PRDM16: variants seen among roughly 807,000 people sequenced by gnomAD.
PRDM16 encodes the protein histone-lysine N-methyltransferase PRDM16.
PRDM16 carries 23 observed loss-of-function variants against 110.6 expected under a neutral mutation model. That is an observed-to-expected ratio of 0.21 (90% CI 0.15 to 0.29). PRDM16 has a LOEUF of 0.29. Among genes scored for constraint, PRDM16 ranks in the 10% least tolerant of loss-of-function variants. The probability of loss-of-function intolerance (pLI) is 1.00; values close to 1 mark genes in which losing one functional copy is unlikely to be tolerated. For missense variants in PRDM16, 1,615 were observed against 1,794.3 expected, an observed-to-expected ratio of 0.90 and a Z score of 1.81; for synonymous variants, 799 against 781.8, an observed-to-expected ratio of 1.02 and a Z score of -0.37.
chr1:3,310,937 CGTGT>C (rs200491474), intron 3 of PRDM16, among the ~76,000 whole-genome samples: 3 of 151,476 alleles, frequency 2.0e-5, no homozygotes, highest in Admixed American at 6.6e-5. Context: ...TGTGAGTGTG[CGTGT>C]GTGTCTGTGA....
intron 3 of PRDM16, among the ~76,000 whole-genome samples, chr1:3,249,428 G>A (rs1452227355): frequency 3.3e-5 from 5 of 152,010 alleles, no homozygotes; most frequent in Non-Finnish European, 2.9e-5. Flanking sequence ...GTGCCAGCGA[G>A]GTGAGTGAGG....
At chr1:3,225,530 CTGTGTGTGTG>C (rs57169358) in intron 2 of PRDM16, among the ~76,000 whole-genome samples, 17,100 of 139,080 alleles carry the variant, frequency 0.12, 1,164 homozygotes, top group East Asian at 0.19. Flanking sequence ...TGCAGCTTGC[CTGTGTGTGTG>C]TGTGTGTGTG....
chr1:3,360,345 C>T (rs972544276), intron 3 of PRDM16, among the ~76,000 whole-genome samples: 2 of 152,204 alleles, frequency 1.3e-5, no homozygotes, highest in Non-Finnish European at 2.9e-5. Context: ...GGAGCACCCT[C>T]ATGCTCTGTG....
Position 3,114,185 on chromosome 1 carries a change from GCACACA to G in PRDM16, c.37+44891_37+44896del, listed in dbSNP as rs58141966. On this transcript the variant is annotated intron_variant, in intron 1 of 16. Coordinates refer to ENST00000270722, the MANE Select transcript of PRDM16 (RefSeq NM_022114.4). ...CACACGCACACACACGCACACACAC[GCACACA>G]CGCACACGCACGCACACACGCACAC... Among the ~76,000 whole-genome samples, 23 of 80,402 alleles carry G rather than the reference GCACACA, an allele frequency of 2.9e-4. No individual in the cohort carries two copies. In the South Asian group the frequency reaches 7.2e-3, roughly 25 times the overall value. The allele number at this position is 80,402 out of a possible 152,430, so 52.7% of individuals were successfully genotyped here.
intron 3 of PRDM16, among the ~76,000 whole-genome samples, chr1:3,301,691 G>A (rs1422038065): frequency 6.6e-6 from 1 of 152,190 alleles, no homozygotes; most frequent in East Asian, 1.9e-4. Context: ...ACTGGATTTT[G>A]CTCTGTGTCT....
chr1:3,191,249 T>G (rs977920808), intron 2 of PRDM16, among the ~76,000 whole-genome samples: 16 of 152,228 alleles, frequency 1.1e-4, no homozygotes, highest in African/African-American at 3.9e-4. Context: ...ACCTCACCCC[T>G]GGCGTTATTT....
chr1:3,088,286 T>G (rs1642195050), intron 1 of PRDM16, among the ~76,000 whole-genome samples: 1 of 151,544 alleles, frequency 6.6e-6, no homozygotes, highest in Non-Finnish European at 1.5e-5. Flanking sequence ...TAGAAAGCAA[T>G]AAAAATAATA....
intron 3 of PRDM16, among the ~76,000 whole-genome samples, chr1:3,317,438 G>A (rs1385498678): frequency 6.6e-6 from 1 of 152,250 alleles, no homozygotes; most frequent in Non-Finnish European, 1.5e-5. Flanking sequence ...CACTAAGCAG[G>A]AGTGCGGGCG....
chr1:3,113,623 G>T (rs888402662), intron 1 of PRDM16, among the ~76,000 whole-genome samples: 1 of 152,212 alleles, frequency 6.6e-6, no homozygotes, highest in Non-Finnish European at 1.5e-5. Context: ...TTGTCTTGCT[G>T]GTCGTCCTGG....
At chr1:3,228,508 A>C (rs1639341474) in intron 2 of PRDM16, among the ~76,000 whole-genome samples, 1 of 152,218 alleles carries the variant, frequency 6.6e-6, no homozygotes, top group South Asian at 2.1e-4. Context: ...GCTCTGGGCC[A>C]GCCCCAGGGA....
chr1:3,344,397 A>G (rs534620049), intron 3 of PRDM16, among the ~76,000 whole-genome samples: 142 of 152,098 alleles, frequency 9.3e-4, no homozygotes, highest in Middle Eastern at 3.4e-3. Flanking sequence ...GTTTTTAATT[A>G]TAATTGGCAT....
chr1:3,381,918 C>G (rs943804888), intron 3 of PRDM16, among the ~76,000 whole-genome samples: 1 of 152,240 alleles, frequency 6.6e-6, no homozygotes, highest in Non-Finnish European at 1.5e-5. Context: ...TGTACAGGGG[C>G]TGTGAGTCCC....
intron 3 of PRDM16, among the ~76,000 whole-genome samples, chr1:3,253,204 T>C (rs1311804394): frequency 6.6e-6 from 1 of 152,026 alleles, no homozygotes; most frequent in Non-Finnish European, 1.5e-5. Context: ...TTTAATTTAA[T>C]TTAATTATTA....
intron 2 of PRDM16, among the ~76,000 whole-genome samples, chr1:3,237,403 C>T (rs1639562757): frequency 6.6e-6 from 1 of 152,172 alleles, no homozygotes; most frequent in Non-Finnish European, 1.5e-5. Flanking sequence ...GACCTCAGCT[C>T]CCAGACTTGG....
chr1:3,314,077 G>T (rs536677609), intron 3 of PRDM16, among the ~76,000 whole-genome samples: 7 of 151,038 alleles, frequency 4.6e-5, no homozygotes, highest in Non-Finnish European at 7.4e-5. Context: ...CCACCGGGGG[G>T]GGGGGCGGGA....
rs540428221 is a variant in PRDM16, at chr1:3,437,553, G to C, written c.*3742G>C. Reference sequence around the variant, plus strand: ...CAAGGCTCTCCTCCCAGCCAGGGACGCCAGGACATAGCTGCTCCTGGTCAG... The same window carrying C: ...CAAGGCTCTCCTCCCAGCCAGGGACCCCAGGACATAGCTGCTCCTGGTCAG... On this transcript the variant is annotated 3_prime_UTR_variant, in exon 17 of 17. Transcript: ENST00000270722. 10 of 228,452 alleles carry C rather than the reference G, an allele frequency of 4.4e-5. No individual in the cohort carries two copies. In the East Asian group the frequency reaches 6.2e-4, roughly 14 times the overall value. 14.2% of individuals were successfully genotyped at this position (228,452 alleles called of 1,614,324 possible). A position where few individuals can be genotyped will look rare whatever the true frequency, so the allele number is the denominator to read the frequency against.
At chr1:3,371,242 C>T (rs1184685778) in intron 3 of PRDM16, among the ~76,000 whole-genome samples, 5 of 141,566 alleles carry the variant, frequency 3.5e-5, no homozygotes, top group East Asian at 2.4e-4. Flanking sequence ...TCCATCCATT[C>T]GTTTATTCAT....
At chr1:3,169,045 A>T (rs975627727) in intron 1 of PRDM16, among the ~76,000 whole-genome samples, 2 of 152,048 alleles carry the variant, frequency 1.3e-5, no homozygotes, top group Non-Finnish European at 1.5e-5. Flanking sequence ...CCCCTGTAAG[A>T]GGGACGTCCT....
chr1:3,130,592 G>A (rs907225713), intron 1 of PRDM16, among the ~76,000 whole-genome samples: 25 of 152,152 alleles, frequency 1.6e-4, no homozygotes, highest in African/African-American at 6.0e-4. Context: ...GGACTTCAGG[G>A]GAGGGCTGAT....
Sources: allele counts gnomAD v4.1 joint callset (sites outside exome capture counted in the v4.1 genomes callset), GRCh38; gene constraint gnomAD v4.1.1; transcripts MANE v1.5; gene names NCBI Gene and HGNC (gene_info 2026-07-23, HGNC 2026-07-21).